MAGI2: variants seen among roughly 807,000 people sequenced by gnomAD.
MAGI2 encodes membrane associated guanylate kinase, WW and PDZ domain containing 2.
A neutral mutation model predicts 133.3 loss-of-function variants in MAGI2; 35 were observed. The observed-to-expected ratio is 0.26, with a 90% CI of 0.20 to 0.35. MAGI2 has a LOEUF of 0.35. Ranked by LOEUF, MAGI2 falls within the 10% of genes least tolerant of loss-of-function variation. MAGI2 has a pLI of 1.00. For missense variants in MAGI2, 1,636 were observed against 1,863.4 expected, an observed-to-expected ratio of 0.88 and a Z score of 2.25; for synonymous variants, 729 against 710.6, an observed-to-expected ratio of 1.03 and a Z score of -0.41.
chr7:78,462,204 T>TC (rs908399193), intron 6 of MAGI2, among the ~76,000 whole-genome samples: 3 of 152,124 alleles, frequency 2.0e-5, no homozygotes, highest in African/African-American at 7.2e-5. Flanking sequence ...CACAAATGTC[T>TC]CCCATATCCC....
At chr7:79,236,251 A>C (rs1831915064) in intron 1 of MAGI2, among the ~76,000 whole-genome samples, 1 of 152,238 alleles carries the variant, frequency 6.6e-6, no homozygotes, top group African/African-American at 2.4e-5. Context: ...GAGAATTAAT[A>C]TGTTAATGGG....
At chr7:78,708,978 C>G (rs1818912913) in intron 2 of MAGI2, among the ~76,000 whole-genome samples, 1 of 152,130 alleles carries the variant, frequency 6.6e-6, no homozygotes, top group African/African-American at 2.4e-5. Context: ...CTGTCTCCTT[C>G]TCTCCATCCC....
chr7:79,103,692 TTTA>T (rs1818187469), intron 1 of MAGI2, among the ~76,000 whole-genome samples: 5 of 151,480 alleles, frequency 3.3e-5, no homozygotes, highest in African/African-American at 1.2e-4. Context: ...TATTTATTTA[TTTA>T]TTTTTTATTT....
chr7:79,385,908 A>C (rs1054233837), intron 1 of MAGI2, among the ~76,000 whole-genome samples: 4 of 151,862 alleles, frequency 2.6e-5, no homozygotes, highest in Non-Finnish European at 5.9e-5. Context: ...TAACCATTTT[A>C]CTCTCTCTAT....
At chr7:79,311,481 C>T (rs1173838582) in intron 1 of MAGI2, among the ~76,000 whole-genome samples, 1 of 152,238 alleles carries the variant, frequency 6.6e-6, no homozygotes, top group East Asian at 1.9e-4. Context: ...CAATATCCCC[C>T]TCACTTGACT....
At chr7:79,071,802 A>G (rs1285524835) in intron 1 of MAGI2, among the ~76,000 whole-genome samples, 2 of 151,720 alleles carry the variant, frequency 1.3e-5, no homozygotes, top group East Asian at 2.0e-4. Context: ...AATGGCAGAC[A>G]CCCCTCCCCA....
chr7:78,465,253 C>A (rs1261298936), intron 6 of MAGI2, among the ~76,000 whole-genome samples: 3 of 152,166 alleles, frequency 2.0e-5, no homozygotes, highest in African/African-American at 7.2e-5. Context: ...GTAGGTCATT[C>A]AAAGTCATCA....
intron 3 of MAGI2, among the ~76,000 whole-genome samples, chr7:78,625,435 C>G (rs985000726): frequency 1.3e-5 from 2 of 149,718 alleles, no homozygotes; most frequent in African/African-American, 4.9e-5. Context: ...TGTTTTAAAC[C>G]CAGTGTGATT....
chr7:79,188,384 T>A lies in MAGI2; in HGVS notation c.302-181178A>T, dbSNP rs552897376. Among the ~76,000 whole-genome samples, 11 of 152,026 alleles carry A rather than the reference T, an allele frequency of 7.2e-5. No individual in the cohort carries two copies. In the South Asian group the frequency reaches 2.3e-3, roughly 32 times the overall value. ...AAGTGAGAACATGTGGTGTTTGGTT[T>A]TCTGTTCCTGAGTTAGTTTGCTGAG... On this transcript the variant is annotated intron_variant, in intron 1 of 21. Coordinates refer to ENST00000354212, the MANE Select transcript of MAGI2 (RefSeq NM_012301.4).
At chr7:79,365,214 A>G (rs545068140) in intron 1 of MAGI2, among the ~76,000 whole-genome samples, 1 of 152,234 alleles carries the variant, frequency 6.6e-6, no homozygotes, top group Non-Finnish European at 1.5e-5. Flanking sequence ...CAGAATAGCT[A>G]AATTTAAAAA....
intron 1 of MAGI2, among the ~76,000 whole-genome samples, chr7:79,131,782 G>C (rs1241614172): frequency 6.6e-6 from 1 of 151,914 alleles, no homozygotes; most frequent in Non-Finnish European, 1.5e-5. Context: ...ATTTAAATTG[G>C]ATATGTAACT....
chr7:78,296,118 C>A (rs963746554), intron 9 of MAGI2, among the ~76,000 whole-genome samples: 4 of 152,122 alleles, frequency 2.6e-5, no homozygotes, highest in Non-Finnish European at 4.4e-5. Flanking sequence ...CCCAGAGAGT[C>A]CATTGTCAAT....
At chr7:79,339,915 T>G (rs1840763820) in intron 1 of MAGI2, among the ~76,000 whole-genome samples, 1 of 152,096 alleles carries the variant, frequency 6.6e-6, no homozygotes, top group Non-Finnish European at 1.5e-5. Context: ...TCTTTTTGGT[T>G]GGCCATTTAA....
intron 2 of MAGI2, among the ~76,000 whole-genome samples, chr7:78,882,555 A>G (rs1047182067): frequency 7.2e-5 from 11 of 152,074 alleles, no homozygotes; most frequent in Non-Finnish European, 1.6e-4. Flanking sequence ...GCAAAGACAC[A>G]ATGAAAAAAG....
intron 4 of MAGI2, among the ~76,000 whole-genome samples, chr7:78,513,423 A>G (rs1795773459): frequency 6.6e-6 from 1 of 152,206 alleles, no homozygotes; most frequent in East Asian, 1.9e-4. Context: ...AGCCAGAAAT[A>G]ACTAGAGCCA....
chr7:79,375,982 A>C (rs1433322218), intron 1 of MAGI2, among the ~76,000 whole-genome samples: 1 of 151,874 alleles, frequency 6.6e-6, no homozygotes, highest in Non-Finnish European at 1.5e-5. Context: ...TTTTTTCTTA[A>C]ATGATTCTTT....
chr7:78,265,787 G>A (rs1195078367), intron 9 of MAGI2, among the ~76,000 whole-genome samples: 2 of 152,206 alleles, frequency 1.3e-5, no homozygotes, highest in Non-Finnish European at 2.9e-5. Flanking sequence ...AGCTGTAATT[G>A]TATTCCTGAA....
At chr7:78,603,773 A>T (rs1805470496) in intron 3 of MAGI2, among the ~76,000 whole-genome samples, 1 of 152,138 alleles carries the variant, frequency 6.6e-6, no homozygotes, top group African/African-American at 2.4e-5. Context: ...TATCCGCCTC[A>T]GCCTCCCAGA....
At chr7:78,749,747 C>T (rs757375635) in intron 2 of MAGI2, among the ~76,000 whole-genome samples, 2 of 152,006 alleles carry the variant, frequency 1.3e-5, no homozygotes, top group African/African-American at 4.8e-5. Context: ...CTGGACTGTG[C>T]TTTATATAGA....
Sources: gnomAD v4.1 joint callset for allele counts (sites outside exome capture counted in the v4.1 genomes callset) on GRCh38, gnomAD v4.1.1 for gene constraint, MANE v1.5 for transcripts, NCBI Gene and HGNC (gene_info 2026-07-23, HGNC 2026-07-21) for gene names.